Variants in ZNF208 observed in about 807,000 individuals in gnomAD.
ZNF208 encodes the protein zinc finger protein 95.
Under a neutral mutation model 12.1 loss-of-function variants are expected in ZNF208, and 10 were observed. The ratio of observed to expected loss-of-function variants is 0.83; its 90% CI spans 0.51 to 1.40. The LOEUF (loss-of-function observed/expected upper bound fraction) is 1.40. Among genes scored for constraint, ZNF208 ranks in the 40% most tolerant of loss-of-function variants. ZNF208 has a pLI of 0.00. For synonymous variants in ZNF208, 497 were observed against 488.4 expected, an observed-to-expected ratio of 1.02 and a Z score of -0.23; for missense variants, 1,652 against 1,485.0, an observed-to-expected ratio of 1.11 and a Z score of -1.85.
At chr19:22,006,827 G>T (rs1971053300) in intron 1 of ZNF208, among the ~76,000 whole-genome samples, 2 of 152,114 alleles carry the variant, frequency 1.3e-5, no homozygotes. Context: ...ATTTTAAGGT[G>T]CTTACCTTTT....
At chr19:21,962,341 A>G (rs770975707), downstream of ZNF208, among the ~76,000 whole-genome samples, 28 of 152,140 alleles carry the variant, frequency 1.8e-4, no homozygotes, top group Admixed American at 3.9e-4. Context: ...GTCTACAGAG[A>G]GGATAGTCAA....
At chr19:21,953,017 A>G (rs1599603075) in intron 4 of ZNF208, among the ~76,000 whole-genome samples, 1 of 151,616 alleles carries the variant, frequency 6.6e-6, no homozygotes, top group East Asian at 1.9e-4. Flanking sequence ...AACACGATGC[A>G]TGCACAAGCT....
intron 1 of ZNF208, among the ~76,000 whole-genome samples, chr19:22,006,888 A>G (rs981237298): frequency 2.0e-5 from 3 of 152,212 alleles, no homozygotes; most frequent in Admixed American, 2.0e-4. Context: ...ACAATAAAGC[A>G]TTATTTTATT....
chr19:22,010,935 A>T lies in ZNF208; in HGVS notation c.-141T>A. 7.7e-7 allele frequency: 1 copy of T among 1,295,440 alleles called. No individual in the cohort carries two copies. The highest frequency in any genetic ancestry group is 1.3e-5 in the South Asian group (1 of 78,980). 80.2% of individuals were successfully genotyped at this position (1,295,440 alleles called of 1,614,324 possible). A position where few individuals can be genotyped will look rare whatever the true frequency, so the allele number is the denominator to read the frequency against. ...GACCTTGACCTCCGGCTGCAGCGAG[A>T]GACAAAGGACCGACCACATCCCGGA... is the stretch of plus-strand genomic sequence containing the variant. On this transcript the variant is annotated 5_prime_UTR_variant, in exon 1 of 4. Coordinates refer to ENST00000397126, the MANE Select transcript of ZNF208 (RefSeq NM_007153.3).
chr19:21,999,571 A>G (rs1970904478), intron 1 of ZNF208, among the ~76,000 whole-genome samples: 1 of 152,090 alleles, frequency 6.6e-6, no homozygotes, highest in South Asian at 2.1e-4. Flanking sequence ...ATTATTCTGT[A>G]TTGCTAAATT....
chr19:21,990,440 TA>T (rs1568452806), intron 1 of ZNF208, among the ~76,000 whole-genome samples: 10 of 150,940 alleles, frequency 6.6e-5, no homozygotes, highest in African/African-American at 2.4e-4. Context: ...TCCATTGATC[TA>T]TATCTCTGAT....
Position 21,974,324 on chromosome 19 carries a change from G to A in ZNF208, c.710C>T (p.Ala237Val). 2 of 1,613,448 alleles carry A rather than the reference G, an allele frequency of 1.2e-6. No homozygotes were observed. The highest frequency in any genetic ancestry group is 1.1e-5 in the South Asian group (1 of 91,056). The part of the protein sequence containing the change: ...KPYRCKECGK[A>V]FSKFSILTKH... ...AGTAAGGATTGAGAACTTACTAAAG[G>A]CTTTGCCACATTCTTTACATCTGTA... Residue 237 changes from alanine to valine, a missense_variant, in exon 4 of 4, where the codon GCC becomes GTC. By Grantham distance (64) the Ala-to-Val change is moderately conservative. Coordinates refer to ENST00000397126, the MANE Select transcript of ZNF208 (RefSeq NM_007153.3).
chr19:21,965,014 C>T (rs943129759), downstream of ZNF208, among the ~76,000 whole-genome samples: 4 of 151,812 alleles, frequency 2.6e-5, no homozygotes, highest in Non-Finnish European at 5.9e-5. Context: ...AGACATAATG[C>T]TAATCTTAAA....
chr19:22,010,885 A>T lies in ZNF208; in HGVS notation c.-91T>A, dbSNP rs539503199. The T allele has an allele frequency of 6.2e-5, 98 of 1,581,766 alleles. No individual in the cohort carries two copies. The South Asian group carries it at 1.0e-3, about 17-fold the overall frequency. ...CCACAGAGGCTGGGACTCTAGGAGC[A>T]GAGGACACACAGCAGTAAGGACGAG... On this transcript the variant is annotated 5_prime_UTR_variant, in exon 1 of 4. Transcript: ENST00000397126.
chr19:21,979,197 G>A (rs1970489695), intron 3 of ZNF208, among the ~76,000 whole-genome samples: 1 of 152,124 alleles, frequency 6.6e-6, no homozygotes, highest in South Asian at 2.1e-4. Flanking sequence ...AGCAAGACAG[G>A]CCAACATTCA....
At chr19:21,940,086 C>G (rs1200002482) in intron 4 of ZNF208, 32 of 152,066 alleles carry the variant, frequency 2.1e-4, no homozygotes, top group Admixed American at 2.1e-3. Context: ...GGTGGCAGAT[C>G]ACGAGGTGGG....
At chr19:22,008,676 C>G (rs1370866683) in intron 1 of ZNF208, among the ~76,000 whole-genome samples, 1 of 152,036 alleles carries the variant, frequency 6.6e-6, no homozygotes, top group Non-Finnish European at 1.5e-5. Context: ...CCTTCAATAC[C>G]AGCATCTGAT....
chr19:22,001,237 A>G (rs1970941271), intron 1 of ZNF208, among the ~76,000 whole-genome samples: 1 of 152,196 alleles, frequency 6.6e-6, no homozygotes, highest in Non-Finnish European at 1.5e-5. Context: ...GTGAGCCGAG[A>G]TCGAGCCATT....
chr19:21,973,221 C>A lies in ZNF208; in HGVS notation c.1813G>T (p.Gly605Cys), dbSNP rs751136387. 16 of 1,613,454 alleles carry A rather than the reference C, an allele frequency of 9.9e-6. No homozygotes were observed. The highest frequency in any genetic ancestry group is 1.4e-5 in the Non-Finnish European group (16 of 1,179,878). ...TCTTCACATTTGTAGGGTTTCTCAC[C>A]AGTATGAATTCTCTTATGTTTAATA... ...ILIKHKRIHTGEKPYKCEECG... is the reference protein window; with the variant it reads ...ILIKHKRIHTCEKPYKCEECG... The change falls in exon 4 of 4, where the codon GGT becomes TGT. Residue 605 changes from glycine to cysteine, a missense_variant. Physicochemically the swap from Gly to Cys is radical, Grantham distance 159. Around this residue, in one of 3 missense-constraint regions of ZNF208, gnomAD observed 1,239 missense variants for 1,086.2 expected, o/e 1.14. Transcript: ENST00000397126.
chr19:21,976,405 A>C (rs1970431215), intron 3 of ZNF208, among the ~76,000 whole-genome samples: 1 of 152,224 alleles, frequency 6.6e-6, no homozygotes, highest in Non-Finnish European at 1.5e-5. Context: ...TCCATACAAA[A>C]ATCAGACAGA....
downstream of ZNF208, among the ~76,000 whole-genome samples, chr19:21,964,040 A>G (rs1970121235): frequency 6.6e-6 from 1 of 151,962 alleles, no homozygotes; most frequent in Admixed American, 6.6e-5. Flanking sequence ...ATATGTTACT[A>G]AACAAAACTT....
chr19:21,982,357 CAAAA>C (rs34234040), intron 3 of ZNF208, among the ~76,000 whole-genome samples: 4 of 107,416 alleles, frequency 3.7e-5, no homozygotes, highest in Non-Finnish European at 3.6e-5. Flanking sequence ...GACTCCATCT[CAAAA>C]AAAAAAAAAA....
intron 2 of ZNF208, among the ~76,000 whole-genome samples, chr19:21,988,562 C>T (rs1485942371): frequency 6.6e-6 from 1 of 152,132 alleles, no homozygotes. Flanking sequence ...ACAACCTCCC[C>T]CTTCTCCCTA....
intron 1 of ZNF208, among the ~76,000 whole-genome samples, chr19:22,000,884 A>C (rs908966428): frequency 1.2e-4 from 19 of 152,228 alleles, no homozygotes; most frequent in Non-Finnish European, 2.6e-4. Context: ...CCCCACAAAA[A>C]TATACTGAAG....
Sources: gnomAD v4.1 joint callset for allele counts (sites outside exome capture counted in the v4.1 genomes callset) on GRCh38, gnomAD v4.1.1 for gene constraint, gnomAD v4.1.1 regional missense constraint, MANE v1.5 for transcripts, NCBI Gene and HGNC (gene_info 2026-07-23, HGNC 2026-07-21) for gene names.